Variants in CA13 observed in about 807,000 individuals in gnomAD.
CA13 encodes CA-XIII.
A neutral mutation model predicts 31.5 loss-of-function variants in CA13; 21 were observed. The ratio of observed to expected loss-of-function variants is 0.67; its 90% CI spans 0.47 to 0.96. The LOEUF (loss-of-function observed/expected upper bound fraction) is 0.96. Ranked by LOEUF, CA13 falls within the 40% of genes least tolerant of loss-of-function variation. The probability of loss-of-function intolerance (pLI) is 0.00; values close to 1 mark genes in which losing one functional copy is unlikely to be tolerated. For missense variants in CA13, 315 were observed against 318.9 expected (o/e 0.99, Z 0.09); for synonymous variants, 117 against 111.4 (o/e 1.05, Z -0.32).
At chr8:85,266,516 G>T (rs1430183006) in intron 3 of CA13, 92 bp from the exon 4 acceptor site, 23 of 884,388 alleles carry the variant, frequency 2.6e-5, no homozygotes, top group Non-Finnish European at 4.2e-5. Flanking sequence ...TAAGTGTACA[G>T]CACCAGAAAA....
chr8:85,254,432 TTCTC>T (rs1325664348), intron 2 of CA13, among the ~76,000 whole-genome samples: 2 of 151,910 alleles, frequency 1.3e-5, no homozygotes, highest in African/African-American at 4.8e-5. Context: ...GAACCCAGGT[TTCTC>T]TCTCTCTCTC....
At chr8:85,253,125 A>G (rs929706736) in intron 2 of CA13, among the ~76,000 whole-genome samples, 3 of 150,826 alleles carry the variant, frequency 2.0e-5, no homozygotes, top group Non-Finnish European at 4.4e-5. Context: ...TTGTATTTTT[A>G]GTAGAGACAG....
intron 6 of CA13, among the ~76,000 whole-genome samples, chr8:85,278,755 G>T (rs1164283585): frequency 6.6e-6 from 1 of 152,026 alleles, no homozygotes; most frequent in Non-Finnish European, 1.5e-5. Flanking sequence ...GTGTACTTTT[G>T]AACATTTACA....
At chr8:85,256,810 T>C (rs1807303313) in intron 2 of CA13, among the ~76,000 whole-genome samples, 1 of 152,250 alleles carries the variant, frequency 6.6e-6, no homozygotes, top group South Asian at 2.1e-4. Flanking sequence ...CGTAAGCTCT[T>C]AATGATTGTT....
intron 6 of CA13, among the ~76,000 whole-genome samples, chr8:85,280,143 G>A (rs1208577227): frequency 6.6e-5 from 10 of 152,088 alleles, no homozygotes; most frequent in South Asian, 4.1e-4. Flanking sequence ...AGCTGGGTGC[G>A]GTGGCACGTG....
At chr8:85,258,982 A>G (rs1406002185) in intron 2 of CA13, among the ~76,000 whole-genome samples, 1 of 152,004 alleles carries the variant, frequency 6.6e-6, no homozygotes, top group Non-Finnish European at 1.5e-5. Flanking sequence ...TTAGGAAAAG[A>G]CAGCATGAGT....
chr8:85,272,751 A>G lies in CA13; in HGVS notation c.669+4124A>G, dbSNP rs549728315. ...GGACACATTTTTATGTCTTGTGTCA[A>G]TACCTAGGACTAGAATTACTAGTTC... On this transcript the variant is annotated intron_variant, in intron 6 of 6. Transcript: ENST00000321764. Among the ~76,000 whole-genome samples, 13 of 152,306 alleles carry G rather than the reference A, an allele frequency of 8.5e-5. No homozygotes were observed. The East Asian group carries it at 2.5e-3, about 29-fold the overall frequency.
At chr8:85,248,457 CAAAAAAA>C (rs528349589) in intron 1 of CA13, among the ~76,000 whole-genome samples, 2 of 76,688 alleles carry the variant, frequency 2.6e-5, no homozygotes, top group East Asian at 7.7e-4. Flanking sequence ...AACTCTGTCT[CAAAAAAA>C]AAAAAAAAAA....
intron 1 of CA13, chr8:85,246,381 C>T (rs1813730843): frequency 4.4e-6 from 2 of 456,040 alleles, no homozygotes; most frequent in African/African-American, 2.0e-5. Context: ...CAAAATACTG[C>T]ATGTTTCCTA....
rs760683446 is a variant in CA13, at chr8:85,259,436, C to T, written c.251C>T (p.Pro84Leu). 1.9e-6 allele frequency: 3 copies of T among 1,613,724 alleles called. No homozygotes were observed. The highest frequency in any genetic ancestry group is 2.2e-5 in the East Asian group (1 of 44,890). The stretch of plus-strand genomic sequence containing the variant: ...TGTTGTTTAGTTCTGCGTGGTGGTC[C>T]TCTCACTGGAAGCTACAGGTTACGG... ...TENKSVLRGG[P>L]LTGSYRLRQV... Residue 84 changes from proline (P) to leucine (L), a missense_variant, in exon 3 of 7, where the codon CCT becomes CTT. By Grantham distance (98) the Pro-to-Leu change is moderately conservative (BLOSUM62 -3). Transcript: ENST00000321764.
At chr8:85,258,402 C>T (rs1279617661) in intron 2 of CA13, among the ~76,000 whole-genome samples, 4 of 152,106 alleles carry the variant, frequency 2.6e-5, no homozygotes, top group African/African-American at 4.8e-5. Flanking sequence ...AAAGATATGA[C>T]AGATTTTTGA....
chr8:85,272,413 G>A (rs1262976707), intron 6 of CA13, among the ~76,000 whole-genome samples: 2 of 151,438 alleles, frequency 1.3e-5, no homozygotes, highest in South Asian at 2.1e-4. Context: ...GCATCACCAC[G>A]CCTGGCCAAT....
intron 3 of CA13, among the ~76,000 whole-genome samples, chr8:85,263,366 T>C (rs532503021): frequency 6.6e-6 from 1 of 152,292 alleles, no homozygotes; most frequent in African/African-American, 2.4e-5. Context: ...TTCTGCTTTA[T>C]ATTTTACAAA....
intron 1 of CA13, 93 bp downstream of exon 1, chr8:85,245,958 C>T (rs1563997748): frequency 2.1e-6 from 3 of 1,432,982 alleles, no homozygotes; most frequent in East Asian, 4.5e-5. Context: ...ACACTGGGCT[C>T]GCACATTGAG....
At chr8:85,262,626 CACTG>C (rs1436446248) in intron 3 of CA13, among the ~76,000 whole-genome samples, 2 of 152,154 alleles carry the variant, frequency 1.3e-5, no homozygotes, top group Non-Finnish European at 2.9e-5. Context: ...AATGGGAAGC[CACTG>C]AAAGGCTTTC....
chr8:85,253,188 G>A (rs560177196), intron 2 of CA13, among the ~76,000 whole-genome samples: 11 of 151,936 alleles, frequency 7.2e-5, no homozygotes, highest in East Asian at 1.9e-4. Context: ...CAGGTGATCC[G>A]CCCGCCTCGG....
Position 85,281,299 on chromosome 8 carries a change from C to A in CA13, c.739C>A (p.Arg247Ser), listed in dbSNP as rs767133250. The change falls in exon 7 of 7, where the codon CGC (arginine) becomes AGC (serine). Residue 247 changes from arginine (R) to serine (S), a missense_variant. Coordinates refer to ENST00000321764, the MANE Select transcript of CA13 (RefSeq NM_198584.3). ...EAAAFLVSNH[R>S]PPQPLKGRKV... ...AGCAGCTTTTCTGGTGAGCAATCAC[C>A]GCCCACCACAGCCTCTAAAGGGCCG... is the stretch of plus-strand genomic sequence containing the variant. 1.2e-6 allele frequency: 2 copies of A among 1,613,892 alleles called. No individual in the cohort carries two copies. Among genetic ancestry groups the A allele is most frequent in the African/African-American group, 2.7e-5 (2 of 74,888 alleles).
At position 85,245,612 on chromosome 8, in the gene CA13, C is replaced by A. The variant is rs1325957985; in HGVS notation, c.-217C>A. The A allele has an allele frequency of 5.1e-6, 3 of 588,564 alleles. No individual in the cohort carries two copies. The highest frequency in any genetic ancestry group is 9.0e-6 in the Non-Finnish European group (3 of 332,872). The allele number at this position is 588,564 out of a possible 1,614,324, so 36.5% of individuals were successfully genotyped here. A position where few individuals can be genotyped will look rare whatever the true frequency, so the allele number is the denominator to read the frequency against. ...AGTCCAAACTAAGAGAGACTCGCGC[C>A]CCAGGAGTCAGCCAGCGGCGCGGGC... On this transcript the variant is annotated 5_prime_UTR_variant, in exon 1 of 7. Transcript: ENST00000321764.
chr8:85,280,058 G>A (rs1308883422), intron 6 of CA13, among the ~76,000 whole-genome samples: 1 of 152,048 alleles, frequency 6.6e-6, no homozygotes, highest in Non-Finnish European at 1.5e-5. Context: ...GAGGAGGGCG[G>A]ATCATGAGGT....
Sources: gnomAD v4.1 joint callset for allele counts (sites outside exome capture counted in the v4.1 genomes callset) on GRCh38, gnomAD v4.1.1 for gene constraint, MANE v1.5 for transcripts, NCBI Gene and HGNC (gene_info 2026-07-23, HGNC 2026-07-21) for gene names.